Variants in HIVEP2 observed in about 807,000 individuals in gnomAD.
HIVEP2 encodes HIVEP zinc finger 2.
A neutral mutation model predicts 180.7 loss-of-function variants in HIVEP2; 14 were observed. That is an observed-to-expected ratio of 0.08 (90% confidence interval 0.05 to 0.12). The LOEUF (loss-of-function observed/expected upper bound fraction) is 0.12. HIVEP2 is among the 10% of genes least tolerant of loss of function. The pLI is 1.00. For synonymous variants in HIVEP2, 1,184 were observed against 1,136.4 expected (o/e 1.04, Z -0.84); for missense variants, 2,579 against 3,008.5 (o/e 0.86, Z 3.34).
intron 1 of HIVEP2, among the ~76,000 whole-genome samples, chr6:142,856,196 CA>C (rs1775815241): frequency 6.8e-6 from 1 of 147,628 alleles, no homozygotes; most frequent in African/African-American, 2.5e-5. Context: ...AAACAGACAG[CA>C]AGGGGTTAAA....
At chr6:142,896,045 T>C (rs1383172376) in intron 1 of HIVEP2, among the ~76,000 whole-genome samples, 1 of 152,188 alleles carries the variant, frequency 6.6e-6, no homozygotes, top group African/African-American at 2.4e-5. Context: ...TTACTAACAA[T>C]GCAAGAGATA....
intron 2 of HIVEP2, among the ~76,000 whole-genome samples, chr6:142,832,003 C>A (rs1775098771): frequency 6.6e-6 from 1 of 151,930 alleles, no homozygotes; most frequent in Non-Finnish European, 1.5e-5. Flanking sequence ...ACCAGACTGG[C>A]CAACATAGTG....
chr6:142,866,963 G>A (rs934286140), intron 1 of HIVEP2, among the ~76,000 whole-genome samples: 6 of 152,306 alleles, frequency 3.9e-5, no homozygotes, highest in Non-Finnish European at 5.9e-5. Flanking sequence ...GTGGTAAACT[G>A]GTGAACAGGA....
At chr6:142,812,715 T>C (rs570160256) in intron 2 of HIVEP2, among the ~76,000 whole-genome samples, 2 of 152,304 alleles carry the variant, frequency 1.3e-5, no homozygotes, top group East Asian at 1.9e-4. Flanking sequence ...AAAAACTGCA[T>C]TCCATATGTT....
At position 142,944,586 on chromosome 6, in the gene HIVEP2, C is replaced by T. The variant is rs570521413; in HGVS notation, c.-641+513G>A. ...GCACATCTGCTTTGATAGCAGCCGGCAGTGCCGCCGCGGCAGAGAGCCCCT... is the reference window on the plus strand; with the variant it reads ...GCACATCTGCTTTGATAGCAGCCGGTAGTGCCGCCGCGGCAGAGAGCCCCT... On this transcript the variant is annotated intron_variant, in intron 1 of 9. Transcript: ENST00000367603. Among the ~76,000 whole-genome samples, 14 of 152,346 alleles carry T rather than the reference C, an allele frequency of 9.2e-5. No homozygotes were observed. In the East Asian group the frequency reaches 2.1e-3, roughly 23 times the overall value.
chr6:142,832,456 C>T (rs568521446), intron 2 of HIVEP2, among the ~76,000 whole-genome samples: 13 of 151,876 alleles, frequency 8.6e-5, no homozygotes, highest in South Asian at 4.1e-4. Flanking sequence ...AGGGGTGATG[C>T]GGGCAAAGGA....
chr6:142,830,423 G>C (rs1775047841), intron 2 of HIVEP2, among the ~76,000 whole-genome samples: 1 of 152,068 alleles, frequency 6.6e-6, no homozygotes, highest in South Asian at 2.1e-4. Context: ...ATTTTAAGAG[G>C]CTGGGAGGCA....
At chr6:142,805,233 T>G (rs919368685) in intron 2 of HIVEP2, among the ~76,000 whole-genome samples, 58 of 152,110 alleles carry the variant, frequency 3.8e-4, no homozygotes, top group Non-Finnish European at 5.9e-5. Flanking sequence ...GGGCCTGGTA[T>G]GTGACCCTGG....
chr6:142,825,118 C>T (rs1774846670), intron 2 of HIVEP2, among the ~76,000 whole-genome samples: 1 of 152,190 alleles, frequency 6.6e-6, no homozygotes, highest in Non-Finnish European at 1.5e-5. Flanking sequence ...CTGCCCTTCA[C>T]ACTTAGAAGC....
At position 142,896,128 on chromosome 6, in the gene HIVEP2, G is replaced by A. The variant is rs965788456; in HGVS notation, c.-641+48971C>T. On this transcript the variant is annotated intron_variant, in intron 1 of 9. Transcript: ENST00000367603. ...TGTTTGATTATTGTCCATAAAACCT[G>A]ACAGGAAGTTCAGATTACTATATGT... is the stretch of plus-strand genomic sequence containing the variant. Among the ~76,000 whole-genome samples the A allele has an allele frequency of 2.0e-5, 3 of 152,140 alleles. No homozygotes were observed. In the South Asian group the frequency reaches 6.2e-4, roughly 31 times the overall value.
In HIVEP2 at chr6:142,771,945, C is replaced by T. The variant is rs78558971; in HGVS notation, c.2794G>A (p.Ala932Thr). Residue 932 changes from alanine to threonine, a missense_variant, in exon 5 of 10, where the codon GCG becomes ACG. Around this residue, in one of 11 missense-constraint regions of HIVEP2, gnomAD observed 51 missense variants for 102.8 expected, o/e 0.50. Transcript: ENST00000367603. This position sits in a 1 kb window ranked among gnomAD's most constrained non-coding sequence, Gnocchi z 5.4. ...TTCTTTTTGGGTGGCAACTTCTCCGCGGGGAGCTGGGAAAGGGTCTCACTT... is the reference window on the plus strand; with the variant it reads ...TTCTTTTTGGGTGGCAACTTCTCCGTGGGGAGCTGGGAAAGGGTCTCACTT... ...QRSETLSQLP[A>T]EKLPPKKKRL... 2,833 of 1,614,106 alleles carry T rather than the reference C, an allele frequency of 1.8e-3. 80 individuals are homozygous for T. The East Asian group carries it at 0.055, about 31-fold the overall frequency.
Position 142,771,220 on chromosome 6 carries a change from T to C in HIVEP2, c.3519A>G (p.Gln1173=), listed in dbSNP as rs753536309. 2 of 1,614,136 alleles carry C rather than the reference T, an allele frequency of 1.2e-6. No individual in the cohort carries two copies. The highest frequency in any genetic ancestry group is 2.2e-5 in the East Asian group (1 of 44,884). ...SQESLRNPLI[Q]PTSYMTSKHL... ...GCTTGCTTGTCATATAGGATGTTGG[T>C]TGGATCAAGGGATTTCTCAAAGATT... Residue 1173 remains glutamine (Q), a synonymous_variant, in exon 5 of 10, where the codon CAA becomes CAG. Coordinates refer to ENST00000367603, the MANE Select transcript of HIVEP2 (RefSeq NM_006734.4). This position sits in a 1 kb window ranked among gnomAD's most constrained non-coding sequence, Gnocchi z 5.4.
In HIVEP2 at chr6:142,849,339, G is replaced by A. The variant is rs376183745; in HGVS notation, c.-640-12292C>T. Among the ~76,000 whole-genome samples, 20 of 152,208 alleles carry A rather than the reference G, an allele frequency of 1.3e-4. No individual in the cohort carries two copies. In the East Asian group the frequency reaches 2.7e-3, roughly 21 times the overall value. ...GAAAAGAGGAAAACCAAGCTGAAAG[G>A]AAATATATTCGGTTTTAGAGCAAAC... On this transcript the variant is annotated intron_variant, in intron 1 of 9. Transcript: ENST00000367603.
intron 1 of HIVEP2, among the ~76,000 whole-genome samples, chr6:142,904,646 CTGATGACA>C (rs1417476232): frequency 6.6e-6 from 1 of 152,096 alleles, no homozygotes; most frequent in Non-Finnish European, 1.5e-5. Context: ...CCCAATGAAA[CTGATGACA>C]TGATCAAAAA....
At chr6:142,936,099 G>A (rs188934949) in intron 1 of HIVEP2, among the ~76,000 whole-genome samples, 151 of 151,474 alleles carry the variant, frequency 1.0e-3, no homozygotes, top group African/African-American at 3.4e-3. Context: ...GTGACAGACC[G>A]AGAACTTGTC....
At chr6:142,855,347 AG>A (rs1775792077) in intron 1 of HIVEP2, among the ~76,000 whole-genome samples, 1 of 152,228 alleles carries the variant, frequency 6.6e-6, no homozygotes, top group African/African-American at 2.4e-5. Context: ...CAGCAGGGAA[AG>A]GACTAATCAT....
At chr6:142,790,876 C>T (rs1163265925) in intron 2 of HIVEP2, among the ~76,000 whole-genome samples, 1 of 152,066 alleles carries the variant, frequency 6.6e-6, no homozygotes, top group East Asian at 1.9e-4. Flanking sequence ...GAATTGCATC[C>T]CACATTTCAT....
intron 1 of HIVEP2, among the ~76,000 whole-genome samples, chr6:142,861,386 T>C (rs913008868): frequency 6.6e-6 from 1 of 152,200 alleles, no homozygotes; most frequent in African/African-American, 2.4e-5. Flanking sequence ...CAGATTTTTA[T>C]ATATGAAAAA....
At chr6:142,907,523 A>T (rs1486753860) in intron 1 of HIVEP2, among the ~76,000 whole-genome samples, 2 of 152,242 alleles carry the variant, frequency 1.3e-5, no homozygotes, top group African/African-American at 4.8e-5. Context: ...CCTGAGTCGT[A>T]CTCAGTAAAG....
Sources: allele counts gnomAD v4.1 joint callset (sites outside exome capture counted in the v4.1 genomes callset), GRCh38; gene constraint gnomAD v4.1.1; regional missense constraint gnomAD v4.1.1; non-coding constraint Gnocchi (gnomAD v3.1); transcripts MANE v1.5; gene names NCBI Gene and HGNC (gene_info 2026-07-23, HGNC 2026-07-21).